NR4A3: variants seen among roughly 807,000 people sequenced by gnomAD.
The protein encoded by NR4A3 is chondrosarcoma, extraskeletal myxoid, fused to EWS.
A neutral mutation model predicts 55.6 loss-of-function variants in NR4A3; 13 were observed. The ratio of observed to expected loss-of-function variants is 0.23; its 90% confidence interval spans 0.15 to 0.37. NR4A3 has a LOEUF of 0.37. NR4A3 is among the 10% of genes least tolerant of loss of function. NR4A3 has a pLI of 1.00. For missense variants in NR4A3, 646 were observed against 822.8 expected (o/e 0.79, Z 2.63); for synonymous variants, 342 against 357.9 (o/e 0.96, Z 0.50).
At chr9:99,857,784 A>AAATAAAT (rs1219119354) in intron 7 of NR4A3, among the ~76,000 whole-genome samples, 1 of 151,764 alleles carries the variant, frequency 6.6e-6, no homozygotes, top group African/African-American at 2.4e-5. Flanking sequence ...ATAAATAAAT[A>AAATAAAT]AATAAATAAA....
rs1352614721 is a variant in NR4A3, at chr9:99,864,533, T to C, written c.*666T>C. 4.4e-6 allele frequency: 1 copy of C among 226,932 alleles called. No homozygotes were observed. The highest frequency in any genetic ancestry group is 5.7e-5 in the Admixed American group (1 of 17,588). 14.1% of individuals were successfully genotyped at this position (226,932 alleles called of 1,614,324 possible). A position where few individuals can be genotyped will look rare whatever the true frequency, so the allele number is the denominator to read the frequency against. On this transcript the variant is annotated 3_prime_UTR_variant, in exon 8 of 8. Transcript: ENST00000395097. ...TTTATTAACTCTCCTTTATTCTATATGGAAATAAAAAGGAGGCAGTCATGT... is the reference window on the plus strand; with the variant it reads ...TTTATTAACTCTCCTTTATTCTATACGGAAATAAAAAGGAGGCAGTCATGT...
In NR4A3 at chr9:99,825,933, G is replaced by C. The variant is rs1827288100; in HGVS notation, c.-3+101G>C. The C allele has an allele frequency of 5.4e-6, 1 of 184,446 alleles. No homozygotes were observed. Among genetic ancestry groups the C allele is most frequent in the South Asian group, 2.0e-4 (1 of 5,104 alleles). The allele number at this position is 184,446 out of a possible 1,614,324, so 11.4% of individuals were successfully genotyped here. ...AGCGTGGTCGACCTGCCCAGTGCCAGGACAGTGACTGCTGGCCGCGAATTT... is the reference window on the plus strand; with the variant it reads ...AGCGTGGTCGACCTGCCCAGTGCCACGACAGTGACTGCTGGCCGCGAATTT... On this transcript the variant is annotated intron_variant, in intron 2 of 7. Transcript: ENST00000395097. This position sits in a 1 kb window ranked among gnomAD's most constrained non-coding sequence, Gnocchi z 5.0.
intron 7 of NR4A3, among the ~76,000 whole-genome samples, chr9:99,848,210 G>A (rs555012989): frequency 6.6e-6 from 1 of 152,268 alleles, no homozygotes; most frequent in Admixed American, 6.5e-5. Context: ...CCAGTTCTTG[G>A]CTAGCGACCT....
intron 2 of NR4A3, chr9:99,826,733 C>G (rs753760612): frequency 5.0e-6 from 8 of 1,609,022 alleles, no homozygotes; most frequent in East Asian, 2.2e-5. Flanking sequence ...CCAACAGGCC[C>G]TCATCACCTT....
intron 7 of NR4A3, among the ~76,000 whole-genome samples, chr9:99,856,564 G>T (rs1195238774): frequency 2.0e-5 from 3 of 152,198 alleles, no homozygotes; most frequent in African/African-American, 7.2e-5. Flanking sequence ...TTAGCTCAAT[G>T]TAAGAAAAAC....
chr9:99,853,462 A>G (rs1428348379), intron 7 of NR4A3, among the ~76,000 whole-genome samples: 48 of 99,432 alleles, frequency 4.8e-4, no homozygotes, highest in South Asian at 1.3e-3. Flanking sequence ...ATATCTCCCA[A>G]TGCTATCCCT....
Position 99,825,398 on chromosome 9 carries a change from G to T in NR4A3, c.-176-261G>T, listed in dbSNP as rs966870522. Among the ~76,000 whole-genome samples, 2 of 152,010 alleles carry T rather than the reference G, an allele frequency of 1.3e-5. No homozygotes were observed. The highest frequency in any genetic ancestry group is 4.8e-5 in the African/African-American group (2 of 41,406). Reference sequence around the variant, plus strand: ...GCTGCGCGTTTTTTTTTTAGCCTCGGTTTTGGTGCCACAAAACGGTGGTAG... The same window carrying T: ...GCTGCGCGTTTTTTTTTTAGCCTCGTTTTTGGTGCCACAAAACGGTGGTAG... On this transcript the variant is annotated intron_variant, in intron 1 of 7. Coordinates refer to ENST00000395097, the MANE Select transcript of NR4A3 (RefSeq NM_006981.4). This position sits in a 1 kb window ranked among gnomAD's most constrained non-coding sequence, Gnocchi z 5.0.
intron 5 of NR4A3, among the ~76,000 whole-genome samples, chr9:99,841,287 C>T (rs1827646837): frequency 6.6e-6 from 1 of 150,900 alleles, no homozygotes; most frequent in Non-Finnish European, 1.5e-5. Context: ...TAGGATCGTG[C>T]CGCCATGCTT....
intron 1 of NR4A3, among the ~76,000 whole-genome samples, chr9:99,823,881 C>T (rs1827235268): frequency 6.6e-6 from 1 of 151,832 alleles, no homozygotes; most frequent in Non-Finnish European, 1.5e-5. Context: ...TCCTCTTGCC[C>T]CCGCCCAACC....
chr9:99,859,281 C>T (rs1476389321), intron 7 of NR4A3, among the ~76,000 whole-genome samples: 5 of 152,122 alleles, frequency 3.3e-5, no homozygotes, highest in African/African-American at 7.2e-5. Flanking sequence ...ATATTAGCTC[C>T]GTAGCCATGT....
Position 99,828,488 on chromosome 9 carries a change from C to T in NR4A3, c.446C>T (p.Pro149Leu). The T allele has an allele frequency of 1.9e-6, 3 of 1,579,568 alleles. No individual in the cohort carries two copies. The highest frequency in any genetic ancestry group is 2.6e-6 in the Non-Finnish European group (3 of 1,164,680). Residue 149 changes from proline (P) to leucine (L), a missense_variant, in exon 3 of 8, where the codon CCC becomes CTC. By Grantham distance (98) the Pro-to-Leu change is moderately conservative. Transcript: ENST00000395097. The surrounding 1 kb of genome is among the most constrained non-coding windows in gnomAD (Gnocchi z 7.7). ...PPSTPTTPAF[P>L]PQAGALWDEA... ...TCCACCCCCACCACGCCGGCCTTCC[C>T]CCCGCAGGCGGGGGCGTTATGGGAC...
At chr9:99,826,770 C>T (rs770137012) in intron 2 of NR4A3, 5 of 1,613,680 alleles carry the variant, frequency 3.1e-6, no homozygotes, top group East Asian at 2.2e-5. Context: ...TCATCCCATA[C>T]ATGCATGACT....
chr9:99,847,425 C>T lies in NR4A3; in HGVS notation c.1455-12C>T, dbSNP rs369494064. On this transcript the variant is annotated splice_polypyrimidine_tract_variant and intron_variant, in intron 6 of 7. Transcript: ENST00000395097. ...AGACCTGTTTAATGTTTGTCTTCCT[C>T]TCACCTCCCAGGTCAAACACTGCTG... 3.1e-6 allele frequency: 5 copies of T among 1,613,108 alleles called. No individual in the cohort carries two copies. In the African/African-American group the frequency reaches 6.7e-5, roughly 22 times the overall value.
chr9:99,833,719 T>TCCAC, intron 5 of NR4A3: 1 of 1,496,408 alleles, frequency 6.7e-7, no homozygotes, highest in East Asian at 2.4e-5. Flanking sequence ...TCCTGGTGGT[T>TCCAC]GTGCCAATGA....
At chr9:99,826,720 C>T (rs764186817) in intron 2 of NR4A3, 15 of 1,577,292 alleles carry the variant, frequency 9.5e-6, no homozygotes, top group Non-Finnish European at 1.3e-5. Flanking sequence ...ATCACTGCTT[C>T]TTCCAACAGG....
At chr9:99,833,495 G>A (rs776453182) in intron 5 of NR4A3, 41 bp downstream of exon 5, 1 of 1,613,976 alleles carries the variant, frequency 6.2e-7, no homozygotes. Context: ...AATGATCAGG[G>A]TCTCTATTTA....
chr9:99,825,377 C>A lies in NR4A3; in HGVS notation c.-176-282C>A, dbSNP rs1827275314. On this transcript the variant is annotated intron_variant, in intron 1 of 7. Transcript: ENST00000395097. This position sits in a 1 kb window ranked among gnomAD's most constrained non-coding sequence, Gnocchi z 5.0. ...TCAATTTCTGGGCAATAACAGGCTG[C>A]GCGTTTTTTTTTTAGCCTCGGTTTT... Among the ~76,000 whole-genome samples, 1 of 151,790 alleles carries A rather than the reference C, an allele frequency of 6.6e-6. No individual in the cohort carries two copies. The highest frequency in any genetic ancestry group is 2.1e-4 in the South Asian group (1 of 4,816).
chr9:99,833,833 A>T, intron 5 of NR4A3: 1 of 1,285,112 alleles, frequency 7.8e-7, no homozygotes, highest in Non-Finnish European at 9.9e-7. Context: ...GGTGAGCCTC[A>T]AGTTATTACT....
intron 7 of NR4A3, among the ~76,000 whole-genome samples, chr9:99,857,172 C>T (rs897385811): frequency 6.6e-6 from 1 of 151,864 alleles, no homozygotes; most frequent in Non-Finnish European, 1.5e-5. Context: ...GAGATAATAA[C>T]GGAAGTTCTT....
Sources: gnomAD v4.1 joint callset for allele counts (sites outside exome capture counted in the v4.1 genomes callset) on GRCh38, gnomAD v4.1.1 for gene constraint, Gnocchi (gnomAD v3.1) non-coding constraint, MANE v1.5 for transcripts, NCBI Gene and HGNC (gene_info 2026-07-23, HGNC 2026-07-21) for gene names.